GPR39: variants seen among roughly 807,000 people sequenced by gnomAD.
GPR39 encodes the protein G protein-coupled receptor 39.
In GPR39, 23 loss-of-function variants were observed where a neutral mutation model predicts 18.4. The ratio of observed to expected loss-of-function variants is 1.25; its 90% CI spans 0.90 to 1.77. The LOEUF is 1.77. Among genes scored for constraint, GPR39 ranks in the 40% most tolerant of loss-of-function variants. The pLI is 0.00. For synonymous variants in GPR39, 280 were observed against 257.9 expected (o/e 1.09, Z -0.82); for missense variants, 647 against 602.4 (o/e 1.07, Z -0.78).
At chr2:132,585,078 T>C (rs1009080192) in intron 1 of GPR39, among the ~76,000 whole-genome samples, 1 of 152,294 alleles carries the variant, frequency 6.6e-6, no homozygotes, top group South Asian at 2.1e-4. Context: ...TGGTTGACAT[T>C]CTTTACGTGG....
chr2:132,613,750 A>G (rs1471647149), intron 1 of GPR39, among the ~76,000 whole-genome samples: 1 of 152,234 alleles, frequency 6.6e-6, no homozygotes, highest in East Asian at 1.9e-4. Context: ...TTATGGAAGC[A>G]TGGCCCTCAT....
chr2:132,470,046 A>T (rs1261725784), intron 1 of GPR39, among the ~76,000 whole-genome samples: 1 of 152,200 alleles, frequency 6.6e-6, no homozygotes, highest in Non-Finnish European at 1.5e-5. Context: ...CAGTGATTAC[A>T]TGAGACGGTG....
intron 1 of GPR39, among the ~76,000 whole-genome samples, chr2:132,520,203 C>T (rs1679397594): frequency 6.6e-6 from 1 of 152,184 alleles, no homozygotes; most frequent in Admixed American, 6.5e-5. Context: ...CATAAGTCAG[C>T]CTTTACCTCC....
chr2:132,553,267 T>C (rs2104796965), intron 1 of GPR39, among the ~76,000 whole-genome samples: 1 of 150,178 alleles, frequency 6.7e-6, no homozygotes, highest in East Asian at 2.0e-4. Context: ...CTGGAACCAA[T>C]CCCCCTCCCC....
At chr2:132,563,185 A>G (rs909313941) in intron 1 of GPR39, among the ~76,000 whole-genome samples, 1 of 152,214 alleles carries the variant, frequency 6.6e-6, no homozygotes, top group Non-Finnish European at 1.5e-5. Flanking sequence ...GAGCTTCACT[A>G]TTGGCAGAAC....
In GPR39 at chr2:132,634,208, G is replaced by A. The variant is rs192436029; in HGVS notation, c.857-10893G>A. On this transcript the variant is annotated intron_variant, in intron 1 of 1. Transcript: ENST00000329321. The stretch of plus-strand genomic sequence containing the variant: ...TACTGGTAGAGGTAGAGATGATTCT[G>A]GAGGTGAGATGGTCATAATTGACAG... Among the ~76,000 whole-genome samples, 394 of 152,210 alleles carry A rather than the reference G, an allele frequency of 2.6e-3. 1 individual carries two copies. The highest frequency in any genetic ancestry group is 8.7e-3 in the African/African-American group (363 of 41,520).
At chr2:132,504,004 C>T (rs979526853) in intron 1 of GPR39, among the ~76,000 whole-genome samples, 1 of 152,232 alleles carries the variant, frequency 6.6e-6, no homozygotes, top group Non-Finnish European at 1.5e-5. Context: ...GGGCTGAGAA[C>T]TTGCACCAGA....
chr2:132,612,948 GT>G (rs1681261878), intron 1 of GPR39, among the ~76,000 whole-genome samples: 1 of 152,032 alleles, frequency 6.6e-6, no homozygotes, highest in South Asian at 2.1e-4. Flanking sequence ...GTATACCCCT[GT>G]TCATTTAGGC....
intron 1 of GPR39, among the ~76,000 whole-genome samples, chr2:132,581,954 AAG>A (rs1313635393): frequency 6.6e-6 from 1 of 152,216 alleles, no homozygotes; most frequent in Non-Finnish European, 1.5e-5. Context: ...TCAAAAAAAA[AAG>A]AATTCAAACT....
At chr2:132,512,503 C>T (rs1679259611) in intron 1 of GPR39, among the ~76,000 whole-genome samples, 1 of 152,146 alleles carries the variant, frequency 6.6e-6, no homozygotes. Flanking sequence ...GTGGAACCAC[C>T]TCAGGCAGAT....
At chr2:132,557,110 A>T (rs1028633162) in intron 1 of GPR39, among the ~76,000 whole-genome samples, 3 of 152,070 alleles carry the variant, frequency 2.0e-5, no homozygotes, top group African/African-American at 7.2e-5. Context: ...CTTGAGGTCA[A>T]GAGTTCGAGA....
chr2:132,416,844 G>T lies in GPR39; in HGVS notation c.-199G>T. 4.5e-6 allele frequency: 3 copies of T among 672,230 alleles called. No homozygotes were observed. The highest frequency in any genetic ancestry group is 7.4e-6 in the Non-Finnish European group (3 of 402,704). 41.6% of individuals were successfully genotyped at this position (672,230 alleles called of 1,614,324 possible). ...ACCTCAACACCCAGGCGCCTCCTGG[G>T]CCTCTCCTAGGTTGGGCTGCTCCAG... On this transcript the variant is annotated 5_prime_UTR_variant, in exon 1 of 2. Coordinates refer to ENST00000329321, the MANE Select transcript of GPR39 (RefSeq NM_001508.3).
At chr2:132,603,082 C>G (rs1681074337) in intron 1 of GPR39, among the ~76,000 whole-genome samples, 1 of 152,134 alleles carries the variant, frequency 6.6e-6, no homozygotes, top group Non-Finnish European at 1.5e-5. Flanking sequence ...GAGATCTGCA[C>G]TTCTGTGGTT....
intron 1 of GPR39, among the ~76,000 whole-genome samples, chr2:132,442,344 TG>T (rs1573604164): frequency 6.6e-6 from 1 of 152,150 alleles, no homozygotes; most frequent in Non-Finnish European, 1.5e-5. Flanking sequence ...TCAAATTTGC[TG>T]CCTGCCTTAG....
At chr2:132,445,713 A>T (rs1680522767) in intron 1 of GPR39, among the ~76,000 whole-genome samples, 3 of 152,126 alleles carry the variant, frequency 2.0e-5, no homozygotes, top group African/African-American at 7.2e-5. Flanking sequence ...TTGTTCCCAG[A>T]GAACAACCTT....
intron 1 of GPR39, among the ~76,000 whole-genome samples, chr2:132,440,626 A>G (rs193039269): frequency 6.4e-4 from 98 of 152,334 alleles, no homozygotes; most frequent in African/African-American, 2.3e-3. Context: ...GGGATCCACT[A>G]GTTAACAAAG....
At chr2:132,536,503 T>C (rs565093630) in intron 1 of GPR39, among the ~76,000 whole-genome samples, 1 of 152,240 alleles carries the variant, frequency 6.6e-6, no homozygotes, top group South Asian at 2.1e-4. Flanking sequence ...TGGTCGACTT[T>C]AGAAGAAGTG....
intron 1 of GPR39, among the ~76,000 whole-genome samples, chr2:132,627,299 T>G (rs921308511): frequency 3.3e-5 from 5 of 152,172 alleles, no homozygotes; most frequent in African/African-American, 1.2e-4. Context: ...GTACTCTTAC[T>G]GGAGGAAGAG....
intron 1 of GPR39, among the ~76,000 whole-genome samples, chr2:132,619,846 CA>C (rs1681404368): frequency 7.1e-6 from 1 of 140,002 alleles, no homozygotes; most frequent in African/African-American, 3.2e-5. Flanking sequence ...CACACACACA[CA>C]CACACACACA....
Sources: gnomAD v4.1 joint callset for allele counts (sites outside exome capture counted in the v4.1 genomes callset) on GRCh38, gnomAD v4.1.1 for gene constraint, MANE v1.5 for transcripts, NCBI Gene and HGNC (gene_info 2026-07-23, HGNC 2026-07-21) for gene names.